Variants in ZNF804B observed in about 807,000 individuals in gnomAD.
ZNF804B encodes the protein zinc finger 804B.
ZNF804B carries 80 observed loss-of-function variants against 101.4 expected under a neutral mutation model. The observed-to-expected ratio is 0.79, with a 90% confidence interval of 0.66 to 0.95. ZNF804B has a LOEUF of 0.95. ZNF804B is among the 40% of genes least tolerant of loss of function. The pLI, the probability that ZNF804B is intolerant of heterozygous loss-of-function variation, is 0.00. For synonymous variants in ZNF804B, 622 were observed against 558.8 expected (o/e 1.11, Z -1.59); for missense variants, 1,673 against 1,561.9 (o/e 1.07, Z -1.20).
At chr7:89,331,476 A>G (rs543687196) in intron 3 of ZNF804B, among the ~76,000 whole-genome samples, 1 of 151,906 alleles carries the variant, frequency 6.6e-6, no homozygotes, top group African/African-American at 2.4e-5. Context: ...GATTAATGTG[A>G]TGAATAAGAA....
intron 1 of ZNF804B, among the ~76,000 whole-genome samples, chr7:89,134,691 A>G (rs1790603662): frequency 6.6e-6 from 1 of 152,118 alleles, no homozygotes; most frequent in Non-Finnish European, 1.5e-5. Context: ...GTTCTGGAAG[A>G]TGCTAGTGCT....
Position 89,176,687 on chromosome 7 carries a change from A to G in ZNF804B, c.109-41468A>G, listed in dbSNP as rs1279149173. ...GTTTGGAAGTATTTCATTTTTCTCT[A>G]TTTTTTGGAATAGTTTGAGTAGGAT... is the stretch of plus-strand genomic sequence containing the variant. On this transcript the variant is annotated intron_variant, in intron 1 of 3. Transcript: ENST00000333190. Among the ~76,000 whole-genome samples, 5 of 120,324 alleles carry G rather than the reference A, an allele frequency of 4.2e-5. No homozygotes were observed. The Admixed American group carries it at 4.6e-4, about 11-fold the overall frequency. The allele number at this position is 120,324 out of a possible 152,430, so 78.9% of individuals were successfully genotyped here. A position where few individuals can be genotyped will look rare whatever the true frequency, so the allele number is the denominator to read the frequency against.
At chr7:88,938,054 AC>A (rs1393329775) in intron 1 of ZNF804B, among the ~76,000 whole-genome samples, 18 of 152,082 alleles carry the variant, frequency 1.2e-4, no homozygotes, top group Non-Finnish European at 1.9e-4. Flanking sequence ...TCAGTCAAAT[AC>A]ACTTAAGAAA....
intron 1 of ZNF804B, among the ~76,000 whole-genome samples, chr7:89,008,209 A>G (rs1788398744): frequency 6.6e-6 from 1 of 152,150 alleles, no homozygotes; most frequent in African/African-American, 2.4e-5. Context: ...ACACCCAAAT[A>G]TATTGCATCA....
intron 2 of ZNF804B, among the ~76,000 whole-genome samples, chr7:89,238,937 C>A (rs1301474251): frequency 6.6e-6 from 1 of 152,144 alleles, no homozygotes; most frequent in South Asian, 2.1e-4. Context: ...TGGAAAATAT[C>A]TTTTCCATTG....
At chr7:89,133,707 G>A (rs1277609440) in intron 1 of ZNF804B, among the ~76,000 whole-genome samples, 4 of 151,972 alleles carry the variant, frequency 2.6e-5, no homozygotes, top group African/African-American at 9.7e-5. Context: ...CCCTTTACAA[G>A]CAAATAGTAG....
chr7:89,321,415 C>CTGA (rs1312588308), intron 2 of ZNF804B, among the ~76,000 whole-genome samples: 7 of 152,120 alleles, frequency 4.6e-5, no homozygotes. Context: ...AGAGGTGGAG[C>CTGA]TTTCAGTGAG....
At chr7:89,193,599 G>C (rs1302198516) in intron 1 of ZNF804B, among the ~76,000 whole-genome samples, 1 of 151,842 alleles carries the variant, frequency 6.6e-6, no homozygotes, top group African/African-American at 2.4e-5. Flanking sequence ...TGCTGAGAAT[G>C]ATGGTTTCCA....
At chr7:89,226,942 T>C (rs1789098554) in intron 2 of ZNF804B, among the ~76,000 whole-genome samples, 1 of 152,194 alleles carries the variant, frequency 6.6e-6, no homozygotes, top group Admixed American at 6.5e-5. Flanking sequence ...GATAATCAAT[T>C]AGTCCTTTCT....
rs187641432 is a variant in ZNF804B, at chr7:89,092,999, A to G, written c.109-125156A>G. On this transcript the variant is annotated intron_variant, in intron 1 of 3. Coordinates refer to ENST00000333190, the MANE Select transcript of ZNF804B (RefSeq NM_181646.5). ...TGTATATACTAAATCATACATATAC[A>G]TATATTCATAAATCTGTATATATGT... 3.4e-4 allele frequency among the ~76,000 whole-genome samples: 52 copies of G among 152,334 alleles called. No individual in the cohort carries two copies. The East Asian group carries it at 0.01, about 29-fold the overall frequency.
chr7:89,240,453 C>G (rs541087792), intron 2 of ZNF804B, among the ~76,000 whole-genome samples: 6 of 151,570 alleles, frequency 4.0e-5, no homozygotes, highest in Non-Finnish European at 7.4e-5. Flanking sequence ...GCGTTTTGTA[C>G]TGCTAACATA....
intron 1 of ZNF804B, among the ~76,000 whole-genome samples, chr7:89,063,696 A>T (rs1789409633): frequency 6.6e-6 from 1 of 152,202 alleles, no homozygotes; most frequent in Non-Finnish European, 1.5e-5. Context: ...TTTTCAAATT[A>T]TTTAACTAAA....
chr7:89,201,455 A>G (rs1360090210), intron 1 of ZNF804B, among the ~76,000 whole-genome samples: 1 of 152,028 alleles, frequency 6.6e-6, no homozygotes, highest in Non-Finnish European at 1.5e-5. Flanking sequence ...GAGGGATGAA[A>G]TATTACCTAT....
chr7:88,875,178 A>G (rs1583990652), intron 1 of ZNF804B, among the ~76,000 whole-genome samples: 4 of 144,778 alleles, frequency 2.8e-5, no homozygotes, highest in East Asian at 4.0e-4. Context: ...AGGGAAATTT[A>G]TAGCACTAAA....
At chr7:88,781,315 C>T (rs927776789) in intron 1 of ZNF804B, among the ~76,000 whole-genome samples, 5 of 152,116 alleles carry the variant, frequency 3.3e-5, no homozygotes, top group African/African-American at 1.2e-4. Flanking sequence ...TCATGTTCTT[C>T]CTGAGGATAT....
At chr7:89,012,398 A>C (rs141375404) in intron 1 of ZNF804B, among the ~76,000 whole-genome samples, 1 of 152,152 alleles carries the variant, frequency 6.6e-6, no homozygotes, top group Non-Finnish European at 1.5e-5. Context: ...ATTTCTCCTC[A>C]GAAAATGGAT....
intron 1 of ZNF804B, among the ~76,000 whole-genome samples, chr7:88,859,528 T>G (rs1239112664): frequency 6.6e-6 from 1 of 152,120 alleles, no homozygotes; most frequent in East Asian, 1.9e-4. Context: ...AATATACTAT[T>G]CTCTTTAATT....
intron 1 of ZNF804B, among the ~76,000 whole-genome samples, chr7:89,036,687 G>A (rs1054279668): frequency 3.9e-5 from 6 of 152,066 alleles, no homozygotes; most frequent in African/African-American, 1.2e-4. Context: ...ACAATATGGT[G>A]TGGACACCTG....
At chr7:89,221,247 A>G (rs1246405436) in intron 2 of ZNF804B, among the ~76,000 whole-genome samples, 1 of 152,018 alleles carries the variant, frequency 6.6e-6, no homozygotes, top group Non-Finnish European at 1.5e-5. Context: ...TACATATATT[A>G]GATAGATTAC....
Sources: gnomAD v4.1 joint callset for allele counts (sites outside exome capture counted in the v4.1 genomes callset) on GRCh38, gnomAD v4.1.1 for gene constraint, MANE v1.5 for transcripts, NCBI Gene and HGNC (gene_info 2026-07-23, HGNC 2026-07-21) for gene names.